Variants in MICAL3 observed in about 807,000 individuals in gnomAD.
The protein encoded by MICAL3 is microtubule associated monooxygenase, calponin and LIM domain containing 3, also known as [F-actin]-monooxygenase MICAL3.
A neutral mutation model predicts 207.4 loss-of-function variants in MICAL3; 62 were observed. The ratio of observed to expected loss-of-function variants is 0.30; its 90% CI spans 0.24 to 0.37. The LOEUF is 0.37. MICAL3 is among the 10% of genes least tolerant of loss of function. MICAL3 has a pLI of 1.00. For synonymous variants in MICAL3, 1,077 were observed against 1,069.3 expected (o/e 1.01, Z -0.14); for missense variants, 2,368 against 2,635.6 (o/e 0.90, Z 2.22).
chr22:17,991,245 G>C (rs1054266597), intron 1 of MICAL3, among the ~76,000 whole-genome samples: 1 of 152,140 alleles, frequency 6.6e-6, no homozygotes, highest in Admixed American at 6.5e-5. Flanking sequence ...CTGAGCCTGC[G>C]TGTGTGTAAG....
intron 16 of MICAL3, chr22:17,876,787 A>G (rs1471283604): frequency 7.2e-6 from 1 of 137,950 alleles, no homozygotes; most frequent in African/African-American, 2.9e-5. Context: ...GAGGTTAGGG[A>G]GGTTAGGGAA....
intron 19 of MICAL3, among the ~76,000 whole-genome samples, chr22:17,853,490 A>G (rs759656318): frequency 3.9e-5 from 6 of 152,244 alleles, no homozygotes; most frequent in Non-Finnish European, 8.8e-5. Context: ...ATTCTTCCAG[A>G]ATTTCCTGGA....
Position 17,900,823 on chromosome 22 carries a change from C to T in MICAL3, c.847+19G>A, listed in dbSNP as rs765603049. The T allele has an allele frequency of 2.0e-5, 32 of 1,613,186 alleles. No individual in the cohort carries two copies. The Admixed American group carries it at 2.3e-4, about 12-fold the overall frequency. On this transcript the variant is annotated intron_variant, in intron 6 of 31. Coordinates refer to ENST00000441493, the MANE Select transcript of MICAL3 (RefSeq NM_015241.3). This position sits in a 1 kb window ranked among gnomAD's most constrained non-coding sequence, Gnocchi z 4.0. ...TATTTAAGTTTCTATCCTAGGGCTC[C>T]GGAGACATCAACACCAACCTGTGGC...
At chr22:17,826,875 T>A (rs1922248397) in intron 22 of MICAL3, among the ~76,000 whole-genome samples, 1 of 137,600 alleles carries the variant, frequency 7.3e-6, no homozygotes, top group Non-Finnish European at 1.7e-5. Flanking sequence ...GGAACAAACG[T>A]CTTATTAATG....
chr22:17,877,144 TGGAGGTTAGGGAGGTTATGGAGGTTAG>T (rs1928681338), intron 16 of MICAL3, among the ~76,000 whole-genome samples: 1 of 17,514 alleles, frequency 5.7e-5, no homozygotes, highest in Non-Finnish European at 1.8e-4. Context: ...AGGGAGGTTA[TGGAGGTTAGGGAGGTTATGGAGGTTAG>T]GGAGGTTAGG....
chr22:17,810,490 C>T (rs1205279504), intron 28 of MICAL3, among the ~76,000 whole-genome samples: 1 of 152,232 alleles, frequency 6.6e-6, no homozygotes, highest in South Asian at 2.1e-4. Flanking sequence ...TGAGCCACCA[C>T]GCCCAGCCTG....
At chr22:17,988,452 T>G (rs1030909786) in intron 1 of MICAL3, among the ~76,000 whole-genome samples, 14 of 151,906 alleles carry the variant, frequency 9.2e-5, no homozygotes, top group African/African-American at 7.3e-5. Flanking sequence ...CATTTCTGGG[T>G]TTTTTTTGGT....
At position 17,831,933 on chromosome 22, in the gene MICAL3, T is replaced by C. The variant is rs1922856523; in HGVS notation, c.2976A>G (p.Glu992=). Reference sequence around the variant, plus strand: ...ATTCTTCCTCCTCCTCCTCCTCCTCTTCATTCCCAGGCCCAAAGCTCTTTG... The same window carrying C: ...ATTCTTCCTCCTCCTCCTCCTCCTCCTCATTCCCAGGCCCAAAGCTCTTTG... ...EASKSFGPGN[E]EEEEEEEEYE... is the part of the protein sequence containing the mutation. The change falls in exon 21 of 32, where the codon GAA becomes GAG. Residue 992 remains glutamate, a synonymous_variant. Transcript: ENST00000441493. 1.3e-6 allele frequency: 2 copies of C among 1,570,920 alleles called. No individual in the cohort carries two copies. Among genetic ancestry groups the C allele is most frequent in the South Asian group, 1.2e-5 (1 of 85,546 alleles).
intron 1 of MICAL3, among the ~76,000 whole-genome samples, chr22:17,949,408 C>T (rs1000010389): frequency 6.6e-5 from 10 of 152,094 alleles, no homozygotes; most frequent in African/African-American, 2.2e-4. Flanking sequence ...CTGTAGAAAT[C>T]AGGCAACTAA....
At chr22:17,872,965 G>T in intron 16 of MICAL3, 1 of 735,408 alleles carries the variant, frequency 1.4e-6, no homozygotes, top group Admixed American at 2.1e-5. Context: ...AGTGCAATTT[G>T]AATACAAGGT....
chr22:17,852,041 C>T (rs780021447), intron 19 of MICAL3, among the ~76,000 whole-genome samples: 3 of 152,190 alleles, frequency 2.0e-5, no homozygotes, highest in Non-Finnish European at 2.9e-5. Context: ...CTGACACTCT[C>T]AGTCCGGAAT....
intron 2 of MICAL3, 123 bp downstream of exon 2, chr22:17,906,426 A>G: frequency 1.3e-6 from 2 of 1,586,358 alleles, no homozygotes; most frequent in East Asian, 4.5e-5. Context: ...AGAACTTGCC[A>G]TAGAACTTCT....
chr22:17,967,463 AACACACACACACACACACACACAC>A, intron 1 of MICAL3, among the ~76,000 whole-genome samples: 1 of 126,052 alleles, frequency 7.9e-6, no homozygotes, highest in East Asian at 2.2e-4. Context: ...TGTACATGCA[AACACACACACACACACACACACAC>A]ACACACCCAC....
chr22:17,822,070 A>C lies in MICAL3; in HGVS notation c.3408T>G (p.Asp1136Glu). Residue 1136 changes from aspartate (D) to glutamate (E), a missense_variant, in exon 24 of 32, where the codon GAT (aspartate) becomes GAG (glutamate). This residue lies in a region of MICAL3 where 1,770 missense variants were observed against 1,863.2 expected (regional missense o/e 0.95). Coordinates refer to ENST00000441493, the MANE Select transcript of MICAL3 (RefSeq NM_015241.3). Reference sequence around the variant, plus strand: ...TCGGTGAGGCGGGCAGCTTCTCCTCATCTTCCGACACCCTCAGCTCCAGCT... The same window carrying C: ...TCGGTGAGGCGGGCAGCTTCTCCTCCTCTTCCGACACCCTCAGCTCCAGCT... ...EAELELRVSE[D>E]EEKLPASPKH... 6.2e-7 allele frequency: 1 copy of C among 1,613,872 alleles called. No homozygotes were observed. Among genetic ancestry groups the C allele is most frequent in the Non-Finnish European group, 8.5e-7 (1 of 1,179,856 alleles).
intron 1 of MICAL3, among the ~76,000 whole-genome samples, chr22:17,956,880 T>C (rs762321631): frequency 2.0e-5 from 3 of 152,184 alleles, no homozygotes; most frequent in African/African-American, 7.2e-5. Context: ...CCAATCTTAC[T>C]AGAGCCAGTG....
chr22:17,992,949 G>A (rs1160272330), intron 1 of MICAL3, among the ~76,000 whole-genome samples: 3 of 152,276 alleles, frequency 2.0e-5, no homozygotes, highest in South Asian at 2.1e-4. Context: ...ACGGTAAGGC[G>A]AAGCGATCAC....
chr22:17,906,954 C>T, intron 1 of MICAL3, 68 bp from the exon 2 acceptor site: 3 of 832,492 alleles, frequency 3.6e-6, no homozygotes, highest in Non-Finnish European at 5.6e-6. Context: ...GAGACATATT[C>T]CTCTTCAAAG....
chr22:18,006,154 C>T (rs1923370926), intron 1 of MICAL3: 1 of 152,154 alleles, frequency 6.6e-6, no homozygotes. Context: ...TTATTGGGCA[C>T]CCACTACAAG....
Position 17,900,832 on chromosome 22 carries a change from C to G in MICAL3, c.847+10G>C, listed in dbSNP as rs1299169093. The G allele has an allele frequency of 6.2e-7, 1 of 1,613,708 alleles. No homozygotes were observed. The highest frequency in any genetic ancestry group is 1.7e-5 in the Admixed American group (1 of 59,992). ...TTCTATCCTAGGGCTCCGGAGACAT[C>G]AACACCAACCTGTGGCTTCCCTCAG... On this transcript the variant is annotated intron_variant, in intron 6 of 31. Coordinates refer to ENST00000441493, the MANE Select transcript of MICAL3 (RefSeq NM_015241.3). This position sits in a 1 kb window ranked among gnomAD's most constrained non-coding sequence, Gnocchi z 4.0.
Sources: allele counts gnomAD v4.1 joint callset (sites outside exome capture counted in the v4.1 genomes callset), GRCh38; gene constraint gnomAD v4.1.1; regional missense constraint gnomAD v4.1.1; non-coding constraint Gnocchi (gnomAD v3.1); transcripts MANE v1.5; gene names NCBI Gene and HGNC (gene_info 2026-07-23, HGNC 2026-07-21).